TIAM2: variants seen among roughly 807,000 people sequenced by gnomAD.
TIAM2 encodes TIAM Rac1 associated GEF 2.
TIAM2 carries 80 observed loss-of-function variants against 152.9 expected under a neutral mutation model. The observed-to-expected ratio is 0.52, with a 90% CI of 0.44 to 0.63. The LOEUF (loss-of-function observed/expected upper bound fraction) is 0.63, where lower values mean the gene tolerates loss of function less well. Among genes scored for constraint, TIAM2 ranks in the 30% least tolerant of loss-of-function variants. The probability of loss-of-function intolerance (pLI) is 0.00; values close to 1 mark genes in which losing one functional copy is unlikely to be tolerated. For synonymous variants in TIAM2, 804 were observed against 838.0 expected, an observed-to-expected ratio of 0.96 and a Z score of 0.70; for missense variants, 1,965 against 2,120.1, an observed-to-expected ratio of 0.93 and a Z score of 1.44.
At chr6:155,047,706 CGAGAGAGAGAGAGAGAGAGCGAGA>C (rs1292835149) in intron 1 of TIAM2, among the ~76,000 whole-genome samples, 2 of 41,200 alleles carry the variant, frequency 4.9e-5, no homozygotes, top group East Asian at 7.9e-4. Context: ...AGAGAGAGAG[CGAGAGAGAGAGAGAGAGAGCGAGA>C]GAGAGAGAGA....
intron 8 of TIAM2, among the ~76,000 whole-genome samples, 170 bp from the exon 9 acceptor site, chr6:155,165,093 T>C (rs1780387923): frequency 2.0e-5 from 3 of 152,118 alleles, no homozygotes; most frequent in Non-Finnish European, 2.9e-5. Flanking sequence ...ACTTGTGTTA[T>C]CCAGATGAGA....
intron 4 of TIAM2, 96 bp from the exon 5 acceptor site, chr6:155,137,081 A>G (rs1444777463): frequency 1.5e-6 from 2 of 1,300,920 alleles, no homozygotes; most frequent in Non-Finnish European, 2.1e-6. Context: ...GCATTACATT[A>G]TCAGCAGCCA....
Position 155,016,801 on chromosome 6 carries a change from G to T in TIAM2, c.-209+21309G>T, listed in dbSNP as rs1315781426. 2.6e-5 allele frequency among the ~76,000 whole-genome samples: 4 copies of T among 152,306 alleles called. No homozygotes were observed. The East Asian group carries it at 7.7e-4, about 29-fold the overall frequency. On this transcript the variant is annotated intron_variant, in intron 1 of 26. Coordinates refer to ENST00000682666, the MANE Select transcript of TIAM2 (RefSeq NM_012454.4). Reference sequence around the variant, plus strand: ...TGTAATCCCAGCTACTCGGGAAGCTGAGGCAGGAGAATCGCTTGAACCTGG... The same window carrying T: ...TGTAATCCCAGCTACTCGGGAAGCTTAGGCAGGAGAATCGCTTGAACCTGG...
chr6:155,058,233 G>A (rs1046162982), intron 1 of TIAM2, among the ~76,000 whole-genome samples: 2 of 152,142 alleles, frequency 1.3e-5, no homozygotes, highest in Admixed American at 1.3e-4. Flanking sequence ...CTGTCTACAT[G>A]TATTTTAATG....
chr6:155,224,175 G>A (rs1343163605), intron 15 of TIAM2, among the ~76,000 whole-genome samples: 1 of 152,204 alleles, frequency 6.6e-6, no homozygotes, highest in Admixed American at 6.5e-5. Flanking sequence ...ATGTGTTTGA[G>A]TTTCAAGGCA....
chr6:155,002,524 C>G (rs1245493396), intron 1 of TIAM2, among the ~76,000 whole-genome samples: 2 of 152,140 alleles, frequency 1.3e-5, no homozygotes, highest in Non-Finnish European at 2.9e-5. Flanking sequence ...TATTCCCTGT[C>G]TGGTTAACCC....
At chr6:155,061,895 A>G (rs1214281506) in intron 1 of TIAM2, among the ~76,000 whole-genome samples, 1 of 152,156 alleles carries the variant, frequency 6.6e-6, no homozygotes, top group Non-Finnish European at 1.5e-5. Flanking sequence ...TCACAAATGC[A>G]TGGAGTCGTA....
chr6:155,234,060 A>C (rs1286581651), intron 15 of TIAM2, among the ~76,000 whole-genome samples: 1 of 152,162 alleles, frequency 6.6e-6, no homozygotes, highest in East Asian at 1.9e-4. Flanking sequence ...TTTTTGGAAA[A>C]AATGTTTTTA....
At chr6:155,031,008 G>A (rs1583160446) in intron 1 of TIAM2, among the ~76,000 whole-genome samples, 1 of 152,318 alleles carries the variant, frequency 6.6e-6, no homozygotes, top group East Asian at 1.9e-4. Context: ...CTGTGAGGCT[G>A]TTTGCCCTCC....
intron 2 of TIAM2, among the ~76,000 whole-genome samples, chr6:155,099,281 A>T (rs1052857783): frequency 4.9e-4 from 74 of 151,256 alleles, no homozygotes; most frequent in Admixed American, 1.6e-3. Context: ...TCTCATTTCC[A>T]AGATAATTGA....
At chr6:155,255,206 A>G (rs1783923073) in intron 26 of TIAM2, 1 of 152,304 alleles carries the variant, frequency 6.6e-6, no homozygotes, top group African/African-American at 2.4e-5. Context: ...TAGTAGGTAC[A>G]TTAAATGCAT....
chr6:155,254,456 C>T lies in TIAM2; in HGVS notation c.4351C>T (p.Arg1451Cys), dbSNP rs1439045679. The T allele has an allele frequency of 5.6e-6, 9 of 1,613,942 alleles. No homozygotes were observed. The highest frequency in any genetic ancestry group is 2.2e-5 in the East Asian group (1 of 44,874). Residue 1451 changes from arginine (R) to cysteine (C), a missense_variant, in exon 26 of 27, where the codon CGT becomes TGT. Arg to Cys is a radical substitution (Grantham distance 180, BLOSUM62 -3). Around this residue, in one of 3 missense-constraint regions of TIAM2, gnomAD observed 935 missense variants for 980.0 expected, o/e 0.95. Coordinates refer to ENST00000682666, the MANE Select transcript of TIAM2 (RefSeq NM_012454.4). The part of the protein sequence containing the change: ...ESKTNIVKVI[R>C]SILRENFRRH... ...CAAAACCAACATTGTTAAGGTGATT[C>T]GTTCTATTCTGAGGGAGAACTTCAG...
intron 14 of TIAM2, among the ~76,000 whole-genome samples, chr6:155,196,661 C>G (rs1164836697): frequency 6.6e-6 from 1 of 152,158 alleles, no homozygotes; most frequent in Non-Finnish European, 1.5e-5. Flanking sequence ...CACATTACCC[C>G]TTTAAAGATG....
In TIAM2 at chr6:155,027,816, A is replaced by G. The variant is rs1273060130; in HGVS notation, c.-209+32324A>G. On this transcript the variant is annotated intron_variant, in intron 1 of 26. Coordinates refer to ENST00000682666, the MANE Select transcript of TIAM2 (RefSeq NM_012454.4). ...GTTACATATATACTATATATAATAT[A>G]TGTACTGTGATACATATATACTATA... Among the ~76,000 whole-genome samples the G allele has an allele frequency of 2.0e-5, 2 of 98,090 alleles. 1 individual carries two copies. The highest frequency in any genetic ancestry group is 3.8e-5 in the Non-Finnish European group (2 of 52,820). The allele number at this position is 98,090 out of a possible 152,430, so 64.4% of individuals were successfully genotyped here. A position where few individuals can be genotyped will look rare whatever the true frequency, so the allele number is the denominator to read the frequency against.
chr6:155,162,184 C>T lies in TIAM2; in HGVS notation c.2029-2231C>T, dbSNP rs551627344. On this transcript the variant is annotated intron_variant, in intron 7 of 26. Coordinates refer to ENST00000682666, the MANE Select transcript of TIAM2 (RefSeq NM_012454.4). The stretch of plus-strand genomic sequence containing the variant: ...TGTTGCCCAGGCTGGTCTCAAACTC[C>T]TGGGCTCAAGCAGTCTGCCCACCTC... 2.0e-5 allele frequency among the ~76,000 whole-genome samples: 3 copies of T among 152,214 alleles called. No homozygotes were observed. The South Asian group carries it at 6.2e-4, about 32-fold the overall frequency.
At chr6:155,249,640 A>G (rs191248046) in intron 20 of TIAM2, among the ~76,000 whole-genome samples, 11 of 152,336 alleles carry the variant, frequency 7.2e-5, no homozygotes, top group African/African-American at 1.7e-4. Context: ...CTCATTTCAA[A>G]AAGAATTTGA....
At chr6:155,119,776 G>A (rs1779109872) in intron 2 of TIAM2, among the ~76,000 whole-genome samples, 1 of 152,092 alleles carries the variant, frequency 6.6e-6, no homozygotes, top group Admixed American at 6.5e-5. Context: ...TTTTTTAATC[G>A]TGACTCAAGA....
chr6:155,028,530 CTG>C (rs1255012011), intron 1 of TIAM2, among the ~76,000 whole-genome samples: 22 of 135,088 alleles, frequency 1.6e-4, no homozygotes, highest in East Asian at 6.5e-4. Flanking sequence ...AATATATATA[CTG>C]TGTTACATAT....
rs1486846079 is a variant in TIAM2, at chr6:155,251,676, TG to T, written c.4061-268del. ...AAGTGACAGTATATTGTCACTGAGATGAACACAGTGTCCTCAGCTTTCAATA... is the reference window on the plus strand; with the variant it reads ...AAGTGACAGTATATTGTCACTGAGATAACACAGTGTCCTCAGCTTTCAATA... On this transcript the variant is annotated intron_variant, in intron 22 of 26. Transcript: ENST00000682666. Among the ~76,000 whole-genome samples the T allele has an allele frequency of 2.0e-5, 3 of 152,354 alleles. No homozygotes were observed. The East Asian group carries it at 5.8e-4, about 29-fold the overall frequency.
Sources: allele counts gnomAD v4.1 joint callset (sites outside exome capture counted in the v4.1 genomes callset), GRCh38; gene constraint gnomAD v4.1.1; regional missense constraint gnomAD v4.1.1; transcripts MANE v1.5; gene names NCBI Gene and HGNC (gene_info 2026-07-23, HGNC 2026-07-21).